Variants in RAPH1 observed in about 807,000 individuals in gnomAD.
RAPH1 encodes Ras association (RalGDS/AF-6) and pleckstrin homology domains 1, also known as ras-associated and pleckstrin homology domains-containing protein 1.
Under a neutral mutation model 88.1 loss-of-function variants are expected in RAPH1, and 18 were observed. The ratio of observed to expected loss-of-function variants is 0.20; its 90% CI spans 0.14 to 0.30. The LOEUF is 0.30. Ranked by LOEUF, RAPH1 falls within the 10% of genes least tolerant of loss-of-function variation. The pLI is 1.00. For synonymous variants in RAPH1, 587 were observed against 559.0 expected, an observed-to-expected ratio of 1.05 and a Z score of -0.71; for missense variants, 1,448 against 1,543.2, an observed-to-expected ratio of 0.94 and a Z score of 1.03.
At chr2:203,466,685 T>C (rs1562958) in intron 4 of RAPH1, among the ~76,000 whole-genome samples, 150,875 of 152,306 alleles carry the variant, frequency 0.99, 74,750 homozygotes, top group Middle Eastern at 1. Flanking sequence ...ATACCTCACA[T>C]ATGTAAAAAC....
intron 10 of RAPH1, among the ~76,000 whole-genome samples, chr2:203,453,068 T>A (rs568692738): frequency 3.8e-4 from 58 of 152,296 alleles, no homozygotes; most frequent in African/African-American, 1.4e-3. Flanking sequence ...GCAAATAACA[T>A]CTTAGCATTA....
intron 1 of RAPH1, among the ~76,000 whole-genome samples, chr2:203,527,514 A>C (rs1690171784): frequency 6.6e-6 from 1 of 152,036 alleles, no homozygotes; most frequent in South Asian, 2.1e-4. Flanking sequence ...AAAACGTTTT[A>C]TGTGCTGGCC....
At chr2:203,466,264 T>C (rs989907266) in intron 4 of RAPH1, among the ~76,000 whole-genome samples, 1 of 152,160 alleles carries the variant, frequency 6.6e-6, no homozygotes, top group African/African-American at 2.4e-5. Flanking sequence ...AAACTGGAAA[T>C]GAAAATGTTT....
chr2:203,528,907 T>A, intron 1 of RAPH1, among the ~76,000 whole-genome samples: 1 of 146,650 alleles, frequency 6.8e-6, no homozygotes, highest in African/African-American at 2.5e-5. Flanking sequence ...TAGAACAAAT[T>A]ATATTTGGGA....
At chr2:203,510,809 A>G (rs1343375684) in intron 1 of RAPH1, among the ~76,000 whole-genome samples, 1 of 152,174 alleles carries the variant, frequency 6.6e-6, no homozygotes, top group Non-Finnish European at 1.5e-5. Flanking sequence ...TTAAAAGAGT[A>G]AATGTTTGGG....
At chr2:203,506,344 T>C (rs1049989179) in intron 1 of RAPH1, among the ~76,000 whole-genome samples, 4 of 152,064 alleles carry the variant, frequency 2.6e-5, no homozygotes, top group African/African-American at 9.7e-5. Context: ...ATTAGCACAC[T>C]TGGTTCCCAG....
chr2:203,455,515 A>G lies in RAPH1; in HGVS notation c.1224T>C (p.Asp408=). The G allele has an allele frequency of 6.2e-7, 1 of 1,613,988 alleles. No homozygotes were observed. Among genetic ancestry groups the G allele is most frequent in the African/African-American group, 1.3e-5 (1 of 75,062 alleles). The change falls in exon 9 of 14, where the codon GAT becomes GAC. Residue 408 remains aspartate, a synonymous_variant. Transcript: ENST00000319170. ...AACGCTTTTTCCAGGACTTCTTGCC[A>G]TCATCCTTCAACCAAAGGACTCCTT... ...EIEGVLWLKD[D]GKKSWKKRYF... is the part of the protein sequence containing the mutation.
intron 4 of RAPH1, among the ~76,000 whole-genome samples, chr2:203,472,303 T>C (rs898824633): frequency 6.6e-6 from 1 of 152,112 alleles, no homozygotes; most frequent in South Asian, 2.1e-4. Flanking sequence ...CGGCTAATTT[T>C]GTATTTTTAT....
chr2:203,487,938 A>G (rs1688050064), intron 4 of RAPH1, among the ~76,000 whole-genome samples: 1 of 152,234 alleles, frequency 6.6e-6, no homozygotes, highest in Non-Finnish European at 1.5e-5. Context: ...TTACGAAAAA[A>G]AAATCAATGA....
At position 203,439,076 on chromosome 2, in the gene RAPH1, T is replaced by G. The variant is rs971600814; in HGVS notation, c.*361A>C. ...TATAAATACCTTCTAAATAAGTGATTAGAAGTTTTTGGTCCAATCCACATG... is the reference window on the plus strand; with the variant it reads ...TATAAATACCTTCTAAATAAGTGATGAGAAGTTTTTGGTCCAATCCACATG... On this transcript the variant is annotated 3_prime_UTR_variant, in exon 14 of 14. Coordinates refer to ENST00000319170, the MANE Select transcript of RAPH1 (RefSeq NM_213589.3). 5.0e-6 allele frequency: 1 copy of G among 198,590 alleles called. No individual in the cohort carries two copies. Among genetic ancestry groups the G allele is most frequent in the African/African-American group, 2.3e-5 (1 of 43,694 alleles). The allele number at this position is 198,590 out of a possible 1,614,324, so 12.3% of individuals were successfully genotyped here.
rs573972486 is a variant in RAPH1 at position 203,505,344 on chromosome 2, G to C, written c.1-9991C>G. On this transcript the variant is annotated intron_variant, in intron 1 of 13. Coordinates refer to ENST00000319170, the MANE Select transcript of RAPH1 (RefSeq NM_213589.3). ...GGTGGCAAGAGAAAATGTGGAAGAAGCAAAAGTGGAAACCCCTGATAAACC... is the reference window on the plus strand; with the variant it reads ...GGTGGCAAGAGAAAATGTGGAAGAACCAAAAGTGGAAACCCCTGATAAACC... 7.2e-4 allele frequency among the ~76,000 whole-genome samples: 110 copies of C among 152,254 alleles called. 1 individual carries two copies. The highest frequency in any genetic ancestry group is 2.5e-3 in the African/African-American group (104 of 41,548).
At chr2:203,484,614 C>A (rs1249168432) in intron 4 of RAPH1, among the ~76,000 whole-genome samples, 1 of 152,218 alleles carries the variant, frequency 6.6e-6, no homozygotes, top group African/African-American at 2.4e-5. Flanking sequence ...CCAAGAGAAG[C>A]TGAATGCTGG....
Position 203,440,139 on chromosome 2 carries a change from G to A in RAPH1, c.3051C>T (p.Thr1017=), listed in dbSNP as rs2098502097. The change falls in exon 14 of 14, where the codon ACC becomes ACT. Residue 1017 remains threonine (T), a synonymous_variant. Transcript: ENST00000319170. ...TGGGGGGTGCTGCAGGAGGTGGTAG[G>A]GTCTCCTTGCTGGGAGACCCTGATT... ...PAESGSPSKE[T]LPPPAAPPKP... is the part of the protein sequence containing the mutation. 5.0e-6 allele frequency: 8 copies of A among 1,613,370 alleles called. No individual in the cohort carries two copies. Among genetic ancestry groups the A allele is most frequent in the South Asian group, 4.4e-5 (4 of 91,076 alleles).
Position 203,444,942 on chromosome 2 carries a change from G to C in RAPH1, c.1702C>G (p.Arg568Gly). 2 of 1,614,134 alleles carry C rather than the reference G, an allele frequency of 1.2e-6. No individual in the cohort carries two copies. Among genetic ancestry groups the C allele is most frequent in the African/African-American group, 1.3e-5 (1 of 75,052 alleles). The change falls in exon 13 of 14, where the codon CGT (arginine) becomes GGT (glycine). Residue 568 changes from arginine (R) to glycine (G), a missense_variant. Physicochemically the swap from Arg to Gly is moderately radical, Grantham distance 125. Transcript: ENST00000319170. ...ACGGAGCTCACAATGCTCTGGGAAC[G>C]GACGTGTCCTGCTGGCTGGGTGTCA... ...VSDTQPAGHVRSQSIVSSVFS... is the reference protein window; with the variant it reads ...VSDTQPAGHVGSQSIVSSVFS...
intron 1 of RAPH1, among the ~76,000 whole-genome samples, chr2:203,529,169 A>C (rs1435989730): frequency 2.0e-5 from 3 of 151,448 alleles, no homozygotes; most frequent in Non-Finnish European, 4.4e-5. Flanking sequence ...TTGTAGAGAC[A>C]GGGTTTTGCC....
intron 13 of RAPH1, 180 bp from the exon 14 acceptor site, chr2:203,441,593 G>A (rs2098504224): frequency 7.4e-7 from 1 of 1,352,550 alleles, no homozygotes; most frequent in African/African-American, 1.5e-5. Flanking sequence ...AAATCTGATT[G>A]TGCGGGCAAG....
intron 1 of RAPH1, among the ~76,000 whole-genome samples, chr2:203,512,534 G>A (rs1294267790): frequency 6.6e-6 from 1 of 151,824 alleles, no homozygotes; most frequent in African/African-American, 2.4e-5. Flanking sequence ...AATTGCCTTG[G>A]GTGACAAGAA....
chr2:203,467,021 C>T (rs187401624), intron 4 of RAPH1, among the ~76,000 whole-genome samples: 55 of 152,230 alleles, frequency 3.6e-4, no homozygotes, highest in African/African-American at 1.3e-3. Flanking sequence ...TTAAGAATTC[C>T]TTCAGGATCT....
At chr2:203,466,500 T>C (rs967031121) in intron 4 of RAPH1, among the ~76,000 whole-genome samples, 1 of 152,176 alleles carries the variant, frequency 6.6e-6, no homozygotes, top group African/African-American at 2.4e-5. Context: ...ACACCTCCAA[T>C]AGTTTATTTA....
Sources: allele counts gnomAD v4.1 joint callset (sites outside exome capture counted in the v4.1 genomes callset), GRCh38; gene constraint gnomAD v4.1.1; transcripts MANE v1.5; gene names NCBI Gene and HGNC (gene_info 2026-07-23, HGNC 2026-07-21).